PAX3: variants seen among roughly 807,000 people sequenced by gnomAD.
The protein encoded by PAX3 is paired box protein Pax-3.
Under a neutral mutation model 51.6 loss-of-function variants are expected in PAX3, and 14 were observed. The observed-to-expected ratio is 0.27, with a 90% CI of 0.18 to 0.42. PAX3 has a LOEUF of 0.42. Ranked by LOEUF, PAX3 falls within the 10% of genes least tolerant of loss-of-function variation. The pLI is 1.00. For missense variants in PAX3, 540 were observed against 642.8 expected (o/e 0.84, Z 1.73); for synonymous variants, 280 against 253.4 (o/e 1.11, Z -1.00).
intron 7 of PAX3, among the ~76,000 whole-genome samples, chr2:222,215,773 G>A (rs910797050): frequency 1.3e-5 from 2 of 152,000 alleles, no homozygotes; most frequent in Non-Finnish European, 2.9e-5. Context: ...GGAAATAAAT[G>A]GTCTGTATTA....
At chr2:222,237,872 A>C (rs1471462555) in intron 4 of PAX3, among the ~76,000 whole-genome samples, 1 of 152,226 alleles carries the variant, frequency 6.6e-6, no homozygotes, top group Non-Finnish European at 1.5e-5. Flanking sequence ...CTTCTGAAGC[A>C]AAAGTGCAGG....
At chr2:222,277,798 G>A (rs1329233946) in intron 4 of PAX3, among the ~76,000 whole-genome samples, 1 of 151,984 alleles carries the variant, frequency 6.6e-6, no homozygotes, top group African/African-American at 2.4e-5. Flanking sequence ...GCCTGGCATA[G>A]TGGCACGTGC....
chr2:222,269,191 G>C (rs1694161384), intron 4 of PAX3, among the ~76,000 whole-genome samples: 1 of 152,164 alleles, frequency 6.6e-6, no homozygotes. Context: ...AATACGGACT[G>C]TTTCTTTAGC....
At chr2:222,273,839 A>G (rs772334816) in intron 4 of PAX3, among the ~76,000 whole-genome samples, 1 of 152,194 alleles carries the variant, frequency 6.6e-6, no homozygotes, top group Non-Finnish European at 1.5e-5. Flanking sequence ...AATCAAATAA[A>G]AATTCGACTA....
chr2:222,281,767 T>C (rs536234180), intron 4 of PAX3, among the ~76,000 whole-genome samples: 22 of 152,160 alleles, frequency 1.4e-4, no homozygotes, highest in Non-Finnish European at 2.8e-4. Flanking sequence ...GAGCAGGGAA[T>C]TTTTGAAAAG....
intron 5 of PAX3, among the ~76,000 whole-genome samples, chr2:222,225,327 C>T (rs73070495): frequency 0.057 from 8,620 of 152,112 alleles, 837 homozygotes; most frequent in African/African-American, 0.2. Context: ...TCTTTACATG[C>T]ATTTCTCTAG....
At chr2:222,279,012 G>T (rs1401248495) in intron 4 of PAX3, among the ~76,000 whole-genome samples, 1 of 152,122 alleles carries the variant, frequency 6.6e-6, no homozygotes, top group East Asian at 1.9e-4. Context: ...GTGCAGTGGT[G>T]CGATCTTGGC....
intron 4 of PAX3, among the ~76,000 whole-genome samples, chr2:222,239,252 G>C (rs1692914116): frequency 6.6e-6 from 1 of 152,208 alleles, no homozygotes; most frequent in Middle Eastern, 3.4e-3. Flanking sequence ...CCTCATTCAG[G>C]GTTCTGACAC....
chr2:222,267,320 C>T (rs889300968), intron 4 of PAX3, among the ~76,000 whole-genome samples: 3 of 152,108 alleles, frequency 2.0e-5, no homozygotes, highest in Admixed American at 6.5e-5. Context: ...TCCCTTTGCA[C>T]GTCACTGATT....
At chr2:222,220,008 CTG>C (rs1692120902) in intron 7 of PAX3, 130 bp downstream of exon 7, 1 of 797,720 alleles carries the variant, frequency 1.3e-6, no homozygotes, top group South Asian at 1.6e-5. Flanking sequence ...AACCAGAAAA[CTG>C]AAATCATGTG....
intron 4 of PAX3, among the ~76,000 whole-genome samples, chr2:222,249,833 C>A (rs756359705): frequency 1.3e-5 from 2 of 152,114 alleles, no homozygotes; most frequent in Admixed American, 1.3e-4. Context: ...TAAAATATCC[C>A]TAAATAACAG....
chr2:222,203,288 A>T (rs1270944823), intron 7 of PAX3, among the ~76,000 whole-genome samples: 3 of 151,854 alleles, frequency 2.0e-5, no homozygotes, highest in Non-Finnish European at 4.4e-5. Flanking sequence ...CTGCCACACG[A>T]GAGAGGAAGC....
chr2:222,221,622 A>G (rs1021961921), intron 5 of PAX3: 7 of 481,386 alleles, frequency 1.5e-5, no homozygotes, highest in Admixed American at 6.5e-5. Context: ...AACAGCCCCC[A>G]TGAACCTTAT....
chr2:222,295,448 G>A (rs1299969773), intron 3 of PAX3, 80 bp downstream of exon 3: 1 of 1,506,016 alleles, frequency 6.6e-7, no homozygotes, highest in African/African-American at 1.4e-5. Context: ...CGATAATTGG[G>A]GTGATTACGT....
intron 4 of PAX3, among the ~76,000 whole-genome samples, chr2:222,272,276 T>C (rs1694280120): frequency 6.6e-6 from 1 of 152,220 alleles, no homozygotes. Context: ...TTTAAAAATG[T>C]CATTATACCC....
intron 4 of PAX3, among the ~76,000 whole-genome samples, chr2:222,249,041 T>C (rs369398605): frequency 1.3e-5 from 2 of 152,156 alleles, no homozygotes; most frequent in South Asian, 4.1e-4. Flanking sequence ...TTTCAGTATT[T>C]ACCAATGGAG....
At chr2:222,282,380 G>A (rs1246453441) in intron 4 of PAX3, among the ~76,000 whole-genome samples, 2 of 152,062 alleles carry the variant, frequency 1.3e-5, no homozygotes, top group Non-Finnish European at 2.9e-5. Flanking sequence ...GTGGAAGCAA[G>A]GTTTTTGAAA....
At position 222,256,788 on chromosome 2, in the gene PAX3, A is replaced by C. The variant is rs1206729511; in HGVS notation, c.587-24505T>G. ...GAAAGTAACCTGACATCATCTCAGA[A>C]AGCAGTCATTGCCTTTGAAGAACTC... On this transcript the variant is annotated intron_variant, in intron 4 of 8. Coordinates refer to ENST00000392070, the MANE Select transcript of PAX3 (RefSeq NM_181458.4). 4.6e-5 allele frequency among the ~76,000 whole-genome samples: 7 copies of C among 152,230 alleles called. No individual in the cohort carries two copies. The East Asian group carries it at 1.3e-3, about 29-fold the overall frequency.
intron 7 of PAX3, among the ~76,000 whole-genome samples, chr2:222,208,144 T>C (rs1691585876): frequency 6.6e-6 from 1 of 152,112 alleles, no homozygotes; most frequent in Non-Finnish European, 1.5e-5. Context: ...ATACCACTGG[T>C]ATTTGACTAT....
Sources: gnomAD v4.1 joint callset for allele counts (sites outside exome capture counted in the v4.1 genomes callset) on GRCh38, gnomAD v4.1.1 for gene constraint, MANE v1.5 for transcripts, NCBI Gene and HGNC (gene_info 2026-07-23, HGNC 2026-07-21) for gene names.